Variants in MIDEAS observed in about 807,000 individuals in gnomAD.
MIDEAS encodes mitotic deacetylase-associated SANT domain protein.
MIDEAS carries 26 observed loss-of-function variants against 102.7 expected under a neutral mutation model. The ratio of observed to expected loss-of-function variants is 0.25; its 90% CI spans 0.19 to 0.35. The LOEUF is 0.35. MIDEAS is among the 10% of genes least tolerant of loss of function. The probability of loss-of-function intolerance (pLI) is 1.00; values close to 1 mark genes in which losing one functional copy is unlikely to be tolerated. For missense variants in MIDEAS, 1,231 were observed against 1,435.6 expected (o/e 0.86, Z 2.30); for synonymous variants, 585 against 591.0 (o/e 0.99, Z 0.15).
chr14:73,751,620 C>T (rs553076594), intron 1 of MIDEAS, among the ~76,000 whole-genome samples: 71 of 152,300 alleles, frequency 4.7e-4, no homozygotes, highest in African/African-American at 1.3e-3. Flanking sequence ...AAAGCCAGGC[C>T]GGATGCAGCG....
At chr14:73,723,304 C>A (rs2053020895) in intron 9 of MIDEAS, 1 of 154,408 alleles carries the variant, frequency 6.5e-6, no homozygotes, top group Admixed American at 6.4e-5. Flanking sequence ...GCCACCACAA[C>A]CAGCTAGTTT....
At chr14:73,733,960 T>C (rs2053170674) in intron 3 of MIDEAS, among the ~76,000 whole-genome samples, 1 of 151,800 alleles carries the variant, frequency 6.6e-6, no homozygotes, top group Non-Finnish European at 1.5e-5. Context: ...TCCAAAGTGC[T>C]GAGATTACAG....
intron 10 of MIDEAS, 138 bp downstream of exon 10, chr14:73,722,560 C>T: frequency 9.9e-7 from 1 of 1,008,990 alleles, no homozygotes; most frequent in South Asian, 1.6e-5. Flanking sequence ...TCCAGGGCTC[C>T]TTGCGGCTGT....
At position 73,716,441 on chromosome 14, in the gene MIDEAS, G is replaced by A. The variant is rs1056619309; in HGVS notation, c.*2402C>T. 4 of 151,898 alleles carry A rather than the reference G, an allele frequency of 2.6e-5. No individual in the cohort carries two copies. Among genetic ancestry groups the A allele is most frequent in the African/African-American group, 2.4e-5 (1 of 41,260 alleles). 9.4% of individuals were successfully genotyped at this position (151,898 alleles called of 1,614,324 possible). A position where few individuals can be genotyped will look rare whatever the true frequency, so the allele number is the denominator to read the frequency against. ...TGTAATGCCAGCACTTTGGGAGGCC[G>A]AGGCGGGTGGACCACCTGAGGTCAG... On this transcript the variant is annotated 3_prime_UTR_variant, in exon 13 of 13. Coordinates refer to ENST00000423556, the MANE Select transcript of MIDEAS (RefSeq NM_001367710.1).
upstream of MIDEAS, chr14:73,787,380 GGCAGCCCTGC>G (rs2053825637): frequency 1.3e-5 from 2 of 151,832 alleles, no homozygotes; most frequent in African/African-American, 2.4e-5. Context: ...CGGGGTAGCG[GGCAGCCCTGC>G]GCTGCCGGCC....
At chr14:73,753,208 G>A (rs900756083) in intron 1 of MIDEAS, among the ~76,000 whole-genome samples, 1 of 152,202 alleles carries the variant, frequency 6.6e-6, no homozygotes, top group Non-Finnish European at 1.5e-5. Context: ...TGGGCTCCTG[G>A]CTGCCCTGTG....
At chr14:73,753,412 G>T (rs912306150) in intron 1 of MIDEAS, among the ~76,000 whole-genome samples, 27 of 152,234 alleles carry the variant, frequency 1.8e-4, no homozygotes, top group African/African-American at 6.0e-4. Flanking sequence ...AGTAGTCAGG[G>T]GCAATGTGTG....
At chr14:73,745,776 TTC>T (rs1367921714) in intron 1 of MIDEAS, among the ~76,000 whole-genome samples, 1 of 152,184 alleles carries the variant, frequency 6.6e-6, no homozygotes, top group African/African-American at 2.4e-5. Context: ...ATAAGCACTA[TTC>T]TCAAGGGGTT....
Position 73,716,682 on chromosome 14 carries a change from C to CAAAAAAA in MIDEAS, c.*2154_*2160dup, listed in dbSNP as rs750452207. The CAAAAAAA allele has an allele frequency of 5.6e-5, 4 of 71,770 alleles. No individual in the cohort carries two copies. Among genetic ancestry groups the CAAAAAAA allele is most frequent in the African/African-American group, 1.2e-4 (2 of 16,614 alleles). 4.4% of individuals were successfully genotyped at this position (71,770 alleles called of 1,614,324 possible). The stretch of plus-strand genomic sequence containing the variant: ...TGGGCGACAGAATGAGACTCTGTCT[C>CAAAAAAA]AAAAAAAAAAAAAAAAAAAAAAAAA... On this transcript the variant is annotated 3_prime_UTR_variant, in exon 13 of 13. Transcript: ENST00000423556.
intron 1 of MIDEAS, among the ~76,000 whole-genome samples, chr14:73,771,658 C>T (rs993900532): frequency 6.6e-6 from 1 of 152,222 alleles, no homozygotes; most frequent in Admixed American, 6.5e-5. Flanking sequence ...CTCAGCGCCA[C>T]ACCCAAACCT....
intron 1 of MIDEAS, among the ~76,000 whole-genome samples, chr14:73,781,627 G>A (rs904448308): frequency 6.0e-5 from 9 of 151,156 alleles, no homozygotes; most frequent in African/African-American, 1.7e-4. Flanking sequence ...CCAGCTACTC[G>A]GGAGGCCGAG....
intron 3 of MIDEAS, 143 bp from the exon 4 acceptor site, chr14:73,730,128 T>A: frequency 1.2e-6 from 1 of 868,410 alleles, no homozygotes; most frequent in Non-Finnish European, 1.9e-6. Context: ...AAGGAGCAGG[T>A]CCAAAAGCCC....
chr14:73,751,260 C>T (rs2053415068), intron 1 of MIDEAS, among the ~76,000 whole-genome samples: 1 of 152,246 alleles, frequency 6.6e-6, no homozygotes, highest in Admixed American at 6.5e-5. Flanking sequence ...CCAGGACTGG[C>T]ACCTAGGCCT....
rs188041472 is a variant in MIDEAS at position 73,781,841 on chromosome 14, G to C, written c.-248+5261C>G. Among the ~76,000 whole-genome samples, 6 of 151,308 alleles carry C rather than the reference G, an allele frequency of 4.0e-5. 1 individual carries two copies. The East Asian group carries it at 5.8e-4, about 15-fold the overall frequency. The stretch of plus-strand genomic sequence containing the variant: ...GGAGGCCAAGGCGGGTGGATCACCC[G>C]AAGTCAAGGGTTCAAGACCAGCCTG... On this transcript the variant is annotated intron_variant, in intron 1 of 11. Transcript: ENST00000394071.
At chr14:73,757,177 T>C (rs1305681256) in intron 1 of MIDEAS, among the ~76,000 whole-genome samples, 1 of 147,276 alleles carries the variant, frequency 6.8e-6, no homozygotes, top group African/African-American at 2.5e-5. Flanking sequence ...GAGGCTGAGG[T>C]GGGAAGATTG....
chr14:73,720,922 G>C (rs1298389758), intron 11 of MIDEAS, among the ~76,000 whole-genome samples: 1 of 152,148 alleles, frequency 6.6e-6, no homozygotes, highest in African/African-American at 2.4e-5. Flanking sequence ...TCTTAGGGGA[G>C]CCCTGTCTGC....
chr14:73,769,444 A>G (rs1746951147), intron 1 of MIDEAS, among the ~76,000 whole-genome samples: 1 of 152,224 alleles, frequency 6.6e-6, no homozygotes, highest in Non-Finnish European at 1.5e-5. Context: ...TTAAGGCCCC[A>G]TTATGGCCCG....
chr14:73,755,005 C>T (rs1471206679), intron 1 of MIDEAS: 1 of 152,274 alleles, frequency 6.6e-6, no homozygotes, highest in Non-Finnish European at 1.5e-5. Flanking sequence ...TCACTCTCTC[C>T]ATCCAAGCTT....
At chr14:73,756,998 T>C (rs76913711) in intron 1 of MIDEAS, among the ~76,000 whole-genome samples, 4,197 of 151,878 alleles carry the variant, frequency 0.028, 62 homozygotes, top group African/African-American at 0.046. Context: ...TAAGACCAGG[T>C]GAGGTAGTTC....
Sources: allele counts gnomAD v4.1 joint callset (sites outside exome capture counted in the v4.1 genomes callset), GRCh38; gene constraint gnomAD v4.1.1; transcripts MANE v1.5; gene names NCBI Gene and HGNC (gene_info 2026-07-23, HGNC 2026-07-21).